The following SUCO variants were observed in gnomAD, a reference collection of about 807,000 sequenced individuals.
SUCO encodes SUN domain-containing ossification factor.
A neutral mutation model predicts 148.1 loss-of-function variants in SUCO; 57 were observed. The ratio of observed to expected loss-of-function variants is 0.38; its 90% CI spans 0.31 to 0.48. The LOEUF is 0.48. SUCO is among the 20% of genes least tolerant of loss of function. The probability of loss-of-function intolerance (pLI) is 0.96; values close to 1 mark genes in which losing one functional copy is unlikely to be tolerated. For synonymous variants in SUCO, 470 were observed against 502.7 expected (o/e 0.93, Z 0.87); for missense variants, 1,331 against 1,468.2 (o/e 0.91, Z 1.53).
At chr1:172,601,139 G>A (rs529276701) in intron 20 of SUCO, among the ~76,000 whole-genome samples, 38 of 152,292 alleles carry the variant, frequency 2.5e-4, no homozygotes. Context: ...TTGTTGCTTT[G>A]TGGAGAACTG....
chr1:172,602,080 G>T lies in SUCO; in HGVS notation c.3035G>T (p.Ser1012Ile), dbSNP rs1287924861. 1 of 1,609,676 alleles carries T rather than the reference G, an allele frequency of 6.2e-7. No individual in the cohort carries two copies. The highest frequency in any genetic ancestry group is 2.2e-5 in the East Asian group (1 of 44,690). The change falls in exon 21 of 24, where the codon AGC becomes ATC. Residue 1012 changes from serine to isoleucine, a missense_variant. Ser to Ile is a moderately radical substitution (Grantham distance 142). Coordinates refer to ENST00000263688, the MANE Select transcript of SUCO (RefSeq NM_014283.5). ...ELKREVSDRQ[S>I]YLVISLVLCV... ...TCATCTCAGGTTTCAGATCGACAAA[G>T]CTATCTTGTCATATCTTTGGTTCTT...
At position 172,603,138 on chromosome 1, in the gene SUCO, T is replaced by C. The variant is rs1436862273; in HGVS notation, c.3265+351T>C. On this transcript the variant is annotated intron_variant, in intron 22 of 23. Transcript: ENST00000263688. Reference sequence around the variant, plus strand: ...TAGCATCCTGTGCTTTTCTGCCTCCTCTTCTTATACAGGTAGGACCCCTTT... The same window carrying C: ...TAGCATCCTGTGCTTTTCTGCCTCCCCTTCTTATACAGGTAGGACCCCTTT... 3.3e-5 allele frequency: 6 copies of C among 183,940 alleles called. No homozygotes were observed. In the East Asian group the frequency reaches 7.5e-4, roughly 23 times the overall value. 11.4% of individuals were successfully genotyped at this position (183,940 alleles called of 1,614,324 possible).
rs1191395562 is a variant in SUCO, at chr1:172,585,091, C to G, written c.1567+5C>G. On this transcript the variant is annotated splice_donor_5th_base_variant and intron_variant, in intron 16 of 23. Transcript: ENST00000263688. ...AAACTGAAGACCTGACAGAAGGTAC[C>G]TAATCATTTTATGGGTCTTTTAAAT... The G allele has an allele frequency of 1.3e-6, 2 of 1,595,514 alleles. No individual in the cohort carries two copies. The highest frequency in any genetic ancestry group is 3.4e-5 in the Admixed American group (2 of 58,774).
chr1:172,575,475 G>T, intron 10 of SUCO, 43 bp from the exon 11 acceptor site: 2 of 1,391,184 alleles, frequency 1.4e-6, no homozygotes, highest in East Asian at 2.4e-5. Context: ...TCAATATGTG[G>T]TTTATAATTT....
chr1:172,609,728 C>T, intron 23 of SUCO, 88 bp from the exon 24 acceptor site: 1 of 1,510,810 alleles, frequency 6.6e-7, no homozygotes, highest in Non-Finnish European at 8.8e-7. Context: ...CAGGAGGTGG[C>T]ACTTCTCTAT....
At position 172,588,865 on chromosome 1, in the gene SUCO, A is replaced by G. The variant is rs562465598; in HGVS notation, c.1764A>G (p.Ala588=). ...VQLVQEEEEE[A]SPSTVTLLGS... The stretch of plus-strand genomic sequence containing the variant: ...TAGTTCAAGAGGAGGAAGAGGAGGC[A>G]AGTCCATCTACAGTGACCCTTCTGG... The change falls in exon 18 of 24, where the codon GCA becomes GCG. Residue 588 remains alanine, a synonymous_variant. Coordinates refer to ENST00000263688, the MANE Select transcript of SUCO (RefSeq NM_014283.5). 3.1e-6 allele frequency: 5 copies of G among 1,613,304 alleles called. No homozygotes were observed. The highest frequency in any genetic ancestry group is 3.3e-5 in the Admixed American group (2 of 59,838).
intron 1 of SUCO, among the ~76,000 whole-genome samples, chr1:172,539,214 A>C (rs1652255595): frequency 6.6e-6 from 1 of 152,166 alleles, no homozygotes; most frequent in Admixed American, 6.5e-5. Flanking sequence ...TAAGTGCTTT[A>C]TTATTCTCAA....
rs536844347 is a variant in SUCO at position 172,593,275 on chromosome 1, C to A, written c.2913+2204C>A. ...ATTGAATACCCTTTATTTCTTTCTC[C>A]TGCCTGATTGCCCTGGGCAGAACTT... On this transcript the variant is annotated intron_variant, in intron 19 of 23. Transcript: ENST00000263688. Among the ~76,000 whole-genome samples, 5 of 152,262 alleles carry A rather than the reference C, an allele frequency of 3.3e-5. No individual in the cohort carries two copies. In the East Asian group the frequency reaches 9.7e-4, roughly 29 times the overall value.
chr1:172,602,193 A>C lies in SUCO; in HGVS notation c.3148A>C (p.Ser1050Arg). The C allele has an allele frequency of 8.7e-6, 14 of 1,612,544 alleles. No individual in the cohort carries two copies. The highest frequency in any genetic ancestry group is 1.1e-5 in the Non-Finnish European group (13 of 1,179,266). Reference protein sequence around the residue: ...DGDYISKLPKSNQYPSPKRCF... With the variant: ...DGDYISKLPKRNQYPSPKRCF... ...AGATTATATTTCAAAACTTCCTAAAAGTAATCAGTATCCAAGCCCTAAAAG... is the reference window on the plus strand; with the variant it reads ...AGATTATATTTCAAAACTTCCTAAACGTAATCAGTATCCAAGCCCTAAAAG... Residue 1050 changes from serine (S) to arginine (R), a missense_variant, in exon 21 of 24, where the codon AGT becomes CGT. Physicochemically the swap from Ser to Arg is moderately radical, Grantham distance 110. Around this residue, in one of 3 missense-constraint regions of SUCO, gnomAD observed 334 missense variants for 352.3 expected, o/e 0.95. Transcript: ENST00000263688.
intron 4 of SUCO, 68 bp from the exon 5 acceptor site, chr1:172,557,212 G>T: frequency 6.5e-7 from 1 of 1,534,000 alleles, no homozygotes. Context: ...ATCACTAATA[G>T]TGTTTTTAAT....
In SUCO at chr1:172,557,826, C is replaced by A. The variant is rs1653862528; in HGVS notation, c.732+32C>A. On this transcript the variant is annotated intron_variant, in intron 6 of 23. Coordinates refer to ENST00000263688, the MANE Select transcript of SUCO (RefSeq NM_014283.5). ...ATATAACTTGCACTATCTCTTACTT[C>A]TTTATGTAATGCATTTTTGTTATTA... is the stretch of plus-strand genomic sequence containing the variant. 6.0e-6 allele frequency: 9 copies of A among 1,497,386 alleles called. No individual in the cohort carries two copies. The Admixed American group carries it at 1.9e-4, about 31-fold the overall frequency. The allele number at this position is 1,497,386 out of a possible 1,614,324, so 92.8% of individuals were successfully genotyped here.
At chr1:172,590,767 T>A (rs549957802) in intron 18 of SUCO, among the ~76,000 whole-genome samples, 1 of 152,158 alleles carries the variant, frequency 6.6e-6, no homozygotes, top group Non-Finnish European at 1.5e-5. Context: ...TACCTGCTCT[T>A]ACTTTTCCCT....
At chr1:172,572,696 T>TAAA (rs61248782) in intron 9 of SUCO, among the ~76,000 whole-genome samples, 152 of 49,610 alleles carry the variant, frequency 3.1e-3, no homozygotes, top group Middle Eastern at 0.013. Flanking sequence ...GAATGATCAA[T>TAAA]AAAAAAAAAA....
At chr1:172,570,333 T>G (rs1654862693) in intron 8 of SUCO, 162 bp downstream of exon 8, 1 of 503,326 alleles carries the variant, frequency 2.0e-6, no homozygotes, top group African/African-American at 2.0e-5. Flanking sequence ...TATGAATTCT[T>G]ACTTATATTG....
At chr1:172,608,483 A>G (rs1271348640) in intron 22 of SUCO, 2 of 450,214 alleles carry the variant, frequency 4.4e-6, no homozygotes, top group Non-Finnish European at 7.9e-6. Context: ...GTTGATAACC[A>G]GCTACTAGTT....
In SUCO at chr1:172,546,139, T is replaced by C. The variant is rs1043679331; in HGVS notation, c.63-5373T>C. On this transcript the variant is annotated intron_variant, in intron 1 of 23. Coordinates refer to ENST00000263688, the MANE Select transcript of SUCO (RefSeq NM_014283.5). ...TTTGTAGAGACGGAGTTTTGCCTTG[T>C]TGCCCAGGCTGGTCTCTGACTCCTG... Among the ~76,000 whole-genome samples, 4 of 152,160 alleles carry C rather than the reference T, an allele frequency of 2.6e-5. No homozygotes were observed. The South Asian group carries it at 6.2e-4, about 24-fold the overall frequency.
intron 1 of SUCO, among the ~76,000 whole-genome samples, chr1:172,536,777 G>C (rs777391710): frequency 6.6e-5 from 10 of 152,108 alleles, no homozygotes; most frequent in Non-Finnish European, 1.5e-4. Flanking sequence ...AGGCTCTGAG[G>C]GGAGAATCTT....
At chr1:172,543,615 T>C (rs897953279) in intron 1 of SUCO, among the ~76,000 whole-genome samples, 1 of 152,186 alleles carries the variant, frequency 6.6e-6, no homozygotes, top group Non-Finnish European at 1.5e-5. Context: ...TAGAATTTGA[T>C]ATGTGGAATA....
Position 172,609,922 on chromosome 1 carries a change from A to G in SUCO, c.3428A>G (p.Asn1143Ser). The G allele has an allele frequency of 1.9e-6, 3 of 1,613,924 alleles. No individual in the cohort carries two copies. The highest frequency in any genetic ancestry group is 1.7e-6 in the Non-Finnish European group (2 of 1,179,864). ...GDIKGRKPFT[N>S]QRDFSNMGEV... ...ATAAAAGGAAGAAAGCCCTTTACGA[A>G]CCAGAGAGATTTTTCTAATATGGGA... is the stretch of plus-strand genomic sequence containing the variant. The change falls in exon 24 of 24, where the codon AAC becomes AGC. Residue 1143 changes from asparagine (N) to serine (S), a missense_variant. Around this residue, in one of 3 missense-constraint regions of SUCO, gnomAD observed 334 missense variants for 352.3 expected, o/e 0.95. Transcript: ENST00000263688.
Sources: allele counts gnomAD v4.1 joint callset (sites outside exome capture counted in the v4.1 genomes callset), GRCh38; gene constraint gnomAD v4.1.1; regional missense constraint gnomAD v4.1.1; transcripts MANE v1.5; gene names NCBI Gene and HGNC (gene_info 2026-07-23, HGNC 2026-07-21).